MYOM2: variants seen among roughly 807,000 people sequenced by gnomAD.
MYOM2 encodes myomesin 2, also known as myomesin-2.
In MYOM2, 254 loss-of-function variants were observed where a neutral mutation model predicts 187.6. That is an observed-to-expected ratio of 1.35 (90% CI 1.22 to 1.50). The LOEUF is 1.50. Ranked by LOEUF, MYOM2 falls within the 40% of genes most tolerant of loss-of-function variation. The pLI is 0.00. For synonymous variants in MYOM2, 981 were observed against 753.8 expected, an observed-to-expected ratio of 1.30 and a Z score of -4.94; for missense variants, 2,796 against 1,924.0, an observed-to-expected ratio of 1.45 and a Z score of -8.48.
intron 25 of MYOM2, among the ~76,000 whole-genome samples, chr8:2,114,135 C>T (rs1269080928): frequency 2.0e-5 from 3 of 152,200 alleles, no homozygotes; most frequent in Non-Finnish European, 2.9e-5. Flanking sequence ...GAGGTGGCCA[C>T]GACAAGGATG....
At chr8:2,074,351 A>T (rs1233128469) in intron 10 of MYOM2, among the ~76,000 whole-genome samples, 1 of 152,062 alleles carries the variant, frequency 6.6e-6, no homozygotes, top group Non-Finnish European at 1.5e-5. Context: ...GCTCAGATTT[A>T]AATTTTGCTG....
chr8:2,103,214 T>C (rs922566994), intron 21 of MYOM2, among the ~76,000 whole-genome samples: 1 of 151,960 alleles, frequency 6.6e-6, no homozygotes, highest in Non-Finnish European at 1.5e-5. Flanking sequence ...TGGGAGAGTG[T>C]GCATGTTTTA....
intron 32 of MYOM2, among the ~76,000 whole-genome samples, chr8:2,132,010 A>G (rs916162250): frequency 3.9e-5 from 6 of 152,232 alleles, no homozygotes; most frequent in African/African-American, 1.4e-4. Context: ...TTTGACTATT[A>G]AACAACATGA....
chr8:2,118,032 G>T (rs1797306563), intron 28 of MYOM2, 80 bp downstream of exon 28: 2 of 1,271,950 alleles, frequency 1.6e-6, no homozygotes, highest in Non-Finnish European at 2.3e-6. Context: ...GAGTAGCTGT[G>T]GCCAGATCTG....
chr8:2,059,009 C>A (rs941658495), intron 5 of MYOM2, 144 bp from the exon 6 acceptor site: 4 of 652,164 alleles, frequency 6.1e-6, no homozygotes, highest in Admixed American at 5.4e-5. Flanking sequence ...TGGGCCTCAC[C>A]GTCAGGGCTC....
intron 32 of MYOM2, among the ~76,000 whole-genome samples, chr8:2,133,098 A>C (rs1172264522): frequency 2.0e-5 from 3 of 152,104 alleles, no homozygotes; most frequent in African/African-American, 2.4e-5. Context: ...CCCTCTCAGA[A>C]AGCACAGGGT....
At position 2,057,705 on chromosome 8, in the gene MYOM2, C is replaced by A; in HGVS notation, c.485C>A (p.Ser162Tyr). 6.2e-7 allele frequency: 1 copy of A among 1,614,132 alleles called. No homozygotes were observed. Among genetic ancestry groups the A allele is most frequent in the South Asian group, 1.1e-5 (1 of 91,078 alleles). The stretch of plus-strand genomic sequence containing the variant: ...CCTGAGATCCTGGTGCGGCTGCGAT[C>A]CCACACCGTCTGGGAGAGGATGTCT... ...RAPEILVRLR[S>Y]HTVWERMSVK... The change falls in exon 5 of 37, where the codon TCC becomes TAC. Residue 162 changes from serine (S) to tyrosine (Y), a missense_variant. Transcript: ENST00000262113.
At chr8:2,125,348 C>G (rs1797599184) in intron 31 of MYOM2, among the ~76,000 whole-genome samples, 1 of 152,200 alleles carries the variant, frequency 6.6e-6, no homozygotes, top group African/African-American at 2.4e-5. Flanking sequence ...AAGAGACTGT[C>G]TTTCCCTATT....
intron 25 of MYOM2, among the ~76,000 whole-genome samples, chr8:2,111,110 A>T (rs1265536749): frequency 1.3e-5 from 2 of 152,168 alleles, no homozygotes; most frequent in African/African-American, 4.8e-5. Flanking sequence ...TATTTGCGGG[A>T]TATCTTTTGA....
At chr8:2,076,006 G>C in intron 10 of MYOM2, 135 bp from the exon 11 acceptor site, 2 of 740,512 alleles carry the variant, frequency 2.7e-6, no homozygotes, top group Non-Finnish European at 4.1e-6. Flanking sequence ...AAATATTCTA[G>C]TACTTTGAAC....
Position 2,052,186 on chromosome 8 carries a change from A to T in MYOM2, c.136A>T (p.Lys46Ter). The stretch of plus-strand genomic sequence containing the variant: ...AGCTTCCACCCAGGCATCTTCCCAG[A>T]AGTCCTTGAGTCAGCGGTCGTCTTC... ...KRASTQASSQ[K>*]SLSQRSSSQR... Residue 46 changes from lysine (K) to a stop codon, truncating the protein, a stop_gained, in exon 3 of 37, where the codon AAG (lysine) becomes TAG (stop). Coordinates refer to ENST00000262113, the MANE Select transcript of MYOM2 (RefSeq NM_003970.4). LOFTEE classifies it high-confidence loss of function. 1 of 1,613,596 alleles carries T rather than the reference A, an allele frequency of 6.2e-7. No individual in the cohort carries two copies. Among genetic ancestry groups the T allele is most frequent in the Non-Finnish European group, 8.5e-7 (1 of 1,179,798 alleles).
rs117393460 is a variant in MYOM2, at chr8:2,109,917, C to A, written c.3180+386C>A. On this transcript the variant is annotated intron_variant, in intron 25 of 36. Transcript: ENST00000262113. ...GAGAGGCCTCCCTGCATTCTCCCCCCACTGACAGCTTCCCATGGAAGGCAT... is the reference window on the plus strand; with the variant it reads ...GAGAGGCCTCCCTGCATTCTCCCCCAACTGACAGCTTCCCATGGAAGGCAT... Among the ~76,000 whole-genome samples the A allele has an allele frequency of 2.3e-3, 349 of 152,312 alleles. 1 individual carries two copies. Among genetic ancestry groups the A allele is most frequent in the African/African-American group, 8.0e-3 (332 of 41,568 alleles).
At chr8:2,061,519 G>A (rs1438330234) in intron 6 of MYOM2, among the ~76,000 whole-genome samples, 11 of 152,146 alleles carry the variant, frequency 7.2e-5, no homozygotes, top group Non-Finnish European at 1.6e-4. Flanking sequence ...GCTTCAGCCA[G>A]CTCTTCCTGA....
chr8:2,050,654 A>C (rs1818451956), intron 1 of MYOM2, 101 bp from the exon 2 acceptor site: 1 of 628,826 alleles, frequency 1.6e-6, no homozygotes, highest in South Asian at 2.5e-5. Flanking sequence ...AGGGGGTTTT[A>C]TTAACTGGAG....
At chr8:2,066,259 C>G (rs1180786707) in intron 6 of MYOM2, among the ~76,000 whole-genome samples, 1 of 152,196 alleles carries the variant, frequency 6.6e-6, no homozygotes, top group East Asian at 1.9e-4. Context: ...GTTTATGGCT[C>G]CCTCCTTGAG....
At chr8:2,116,766 T>C (rs1312325714) in intron 27 of MYOM2, among the ~76,000 whole-genome samples, 1 of 152,230 alleles carries the variant, frequency 6.6e-6, no homozygotes, top group African/African-American at 2.4e-5. Flanking sequence ...AAGAATTTTT[T>C]TTCTTTTTTG....
intron 18 of MYOM2, among the ~76,000 whole-genome samples, chr8:2,098,599 C>T (rs903909704): frequency 9.2e-5 from 14 of 152,156 alleles, no homozygotes; most frequent in East Asian, 3.9e-4. Context: ...CCCCTACCCC[C>T]GCAGGAGTGG....
Position 2,069,340 on chromosome 8 carries a change from C to A in MYOM2, c.716C>A (p.Ser239Tyr), listed in dbSNP as rs560517224. 1.9e-6 allele frequency: 3 copies of A among 1,613,996 alleles called. No homozygotes were observed. The highest frequency in any genetic ancestry group is 2.5e-6 in the Non-Finnish European group (3 of 1,179,944). ...AVATNAHGQV[S>Y]TNAAVVVRRF... Reference sequence around the variant, plus strand: ...GCCACCAATGCCCACGGACAAGTGTCCACCAACGCGGCGGTGGTGGTGAGA... The same window carrying A: ...GCCACCAATGCCCACGGACAAGTGTACACCAACGCGGCGGTGGTGGTGAGA... Residue 239 changes from serine (S) to tyrosine (Y), a missense_variant, in exon 7 of 37, where the codon TCC (serine) becomes TAC (tyrosine). Coordinates refer to ENST00000262113, the MANE Select transcript of MYOM2 (RefSeq NM_003970.4).
chr8:2,138,303 G>T (rs545242779), intron 32 of MYOM2, among the ~76,000 whole-genome samples: 8 of 152,174 alleles, frequency 5.3e-5, no homozygotes, highest in African/African-American at 1.7e-4. Context: ...TGGCCTCATC[G>T]CTTCTGCTTC....
Sources: allele counts gnomAD v4.1 joint callset (sites outside exome capture counted in the v4.1 genomes callset), GRCh38; gene constraint gnomAD v4.1.1; transcripts MANE v1.5; gene names NCBI Gene and HGNC (gene_info 2026-07-23, HGNC 2026-07-21).